Variants in PTK2 observed in about 807,000 individuals in gnomAD.
The protein encoded by PTK2 is focal adhesion kinase 1.
A neutral mutation model predicts 150.1 loss-of-function variants in PTK2; 45 were observed. The observed-to-expected ratio is 0.30, with a 90% CI of 0.24 to 0.38. The LOEUF (loss-of-function observed/expected upper bound fraction) is 0.38. Among genes scored for constraint, PTK2 ranks in the 10% least tolerant of loss-of-function variants. PTK2 has a pLI of 1.00. For missense variants in PTK2, 919 were observed against 1,307.3 expected, an observed-to-expected ratio of 0.70 and a Z score of 4.58; for synonymous variants, 432 against 449.2, an observed-to-expected ratio of 0.96 and a Z score of 0.48.
rs370537018 is a variant in PTK2, at chr8:140,820,076, G to GTTTT, written c.649-1060_649-1057dup. Among the ~76,000 whole-genome samples the GTTTT allele has an allele frequency of 3.2e-3, 161 of 50,238 alleles. 28 individuals carry two copies. Among genetic ancestry groups the GTTTT allele is most frequent in the Non-Finnish European group, 5.3e-3 (128 of 23,958 alleles). 33.0% of individuals were successfully genotyped at this position (50,238 alleles called of 152,430 possible). A position where few individuals can be genotyped will look rare whatever the true frequency, so the allele number is the denominator to read the frequency against. Reference sequence around the variant, plus strand: ...AGAGGAGTGACTTTATCTGACTTTGGTTTTTTTTTTTTTTTTTTTTTTTTT... The same window carrying GTTTT: ...AGAGGAGTGACTTTATCTGACTTTGGTTTTTTTTTTTTTTTTTTTTTTTTTTTTT... On this transcript the variant is annotated intron_variant, in intron 8 of 31. Coordinates refer to ENST00000522684, the Ensembl canonical transcript of PTK2.
chr8:140,993,101 A>T (rs1238163806), intron 1 of PTK2, among the ~76,000 whole-genome samples: 1 of 152,248 alleles, frequency 6.6e-6, no homozygotes, highest in African/African-American at 2.4e-5. Flanking sequence ...ATTTCTAGAA[A>T]AAAAGTTCCA....
Position 140,984,310 on chromosome 8 carries a change from C to T in PTK2, c.-122+16815G>A, listed in dbSNP as rs188799579. On this transcript the variant is annotated intron_variant, in intron 1 of 31. Transcript: ENST00000522684. ...GACCCCAACTCCATGCCCTTAACTA[C>T]CGCAATCAACAGTGGTTATTCAACT... Among the ~76,000 whole-genome samples, 194 of 152,292 alleles carry T rather than the reference C, an allele frequency of 1.3e-3. 1 individual carries two copies. Among genetic ancestry groups the T allele is most frequent in the Middle Eastern group, 6.8e-3 (2 of 294 alleles).
intron 1 of PTK2, among the ~76,000 whole-genome samples, chr8:140,964,449 C>T (rs1053548409): frequency 5.9e-5 from 9 of 151,932 alleles, no homozygotes; most frequent in African/African-American, 2.2e-4. Flanking sequence ...TGCGATCAAG[C>T]TCACTGCAGT....
intron 1 of PTK2, among the ~76,000 whole-genome samples, chr8:140,927,979 T>A (rs1315490394): frequency 5.5e-4 from 52 of 95,148 alleles, no homozygotes; most frequent in Non-Finnish European, 7.3e-4. Context: ...AAAAAAAATA[T>A]ATATATATAT....
intron 22 of PTK2, among the ~76,000 whole-genome samples, chr8:140,727,749 TAAAACA>T (rs2100046788): frequency 5.9e-5 from 9 of 152,180 alleles, no homozygotes; most frequent in Non-Finnish European, 1.5e-5. Flanking sequence ...AATACATCTA[TAAAACA>T]TCAAAAAGAT....
intron 8 of PTK2, among the ~76,000 whole-genome samples, chr8:140,824,177 T>G (rs2100110536): frequency 6.6e-6 from 1 of 152,188 alleles, no homozygotes. Context: ...CCCGATAATT[T>G]AATCTGCTGG....
chr8:140,949,832 C>T (rs897003449), intron 1 of PTK2, among the ~76,000 whole-genome samples: 2 of 152,152 alleles, frequency 1.3e-5, no homozygotes, highest in Non-Finnish European at 2.9e-5. Context: ...CCAGGGACAG[C>T]CTTGAAGCCC....
chr8:140,741,762 GTAAC>G (rs1565445951), intron 20 of PTK2, among the ~76,000 whole-genome samples: 4 of 152,144 alleles, frequency 2.6e-5, no homozygotes, highest in Non-Finnish European at 5.9e-5. Context: ...TATTAGTTCA[GTAAC>G]AATTTGAAGA....
rs138106011 is a variant in PTK2, at chr8:140,794,076, C to T, written c.1094-692G>A. On this transcript the variant is annotated intron_variant, in intron 12 of 31. Coordinates refer to ENST00000522684, the Ensembl canonical transcript of PTK2. ...GCAAACCAGGAAACATGGAGCCCTC[C>T]CTGGTTTAACCTCTTTAATCTGAAT... Among the ~76,000 whole-genome samples, 372 of 152,300 alleles carry T rather than the reference C, an allele frequency of 2.4e-3. 1 individual carries two copies. The highest frequency in any genetic ancestry group is 3.8e-3 in the Non-Finnish European group (259 of 68,018).
chr8:140,738,733 T>TC (rs1426633725), intron 21 of PTK2, among the ~76,000 whole-genome samples: 1 of 151,688 alleles, frequency 6.6e-6, no homozygotes, highest in Non-Finnish European at 1.5e-5. Flanking sequence ...AAGCAAAATA[T>TC]CCCCCTGTGA....
At chr8:140,870,945 C>T (rs1239969061) in intron 4 of PTK2, among the ~76,000 whole-genome samples, 1 of 151,796 alleles carries the variant, frequency 6.6e-6, no homozygotes, top group Non-Finnish European at 1.5e-5. Context: ...TAACTGGACA[C>T]ATTTTTGCCT....
chr8:140,685,597 T>G (rs892589403), intron 27 of PTK2, among the ~76,000 whole-genome samples: 21 of 152,168 alleles, frequency 1.4e-4, no homozygotes, highest in Admixed American at 1.1e-3. Context: ...CAGACACTTT[T>G]CAAAAGATGA....
intron 15 of PTK2, 39 bp downstream of exon 17, chr8:140,764,195 G>A (rs763588485): frequency 4.6e-6 from 7 of 1,537,658 alleles, no homozygotes; most frequent in East Asian, 4.5e-5. Flanking sequence ...GGAGGCATCT[G>A]TCAAGTCTGA....
intron 26 of PTK2, among the ~76,000 whole-genome samples, chr8:140,698,631 T>C (rs946746684): frequency 6.6e-6 from 1 of 152,080 alleles, no homozygotes; most frequent in Non-Finnish European, 1.5e-5. Context: ...TTTTTGTTTT[T>C]TTGAGACGGA....
chr8:140,744,564 A>C, intron 19 of PTK2, 88 bp downstream of exon 22: 1 of 724,396 alleles, frequency 1.4e-6, no homozygotes, highest in Non-Finnish European at 2.2e-6. Flanking sequence ...CTGGATCCAA[A>C]AGGGTCCAAA....
chr8:140,785,759 G>T (rs539858174), intron 14 of PTK2, among the ~76,000 whole-genome samples: 2 of 152,318 alleles, frequency 1.3e-5, no homozygotes, highest in East Asian at 1.9e-4. Flanking sequence ...TTTTCAAGCT[G>T]TGTGACACTG....
intron 14 of PTK2, chr8:140,771,036 G>GT (rs2100075199): frequency 5.5e-6 from 1 of 180,888 alleles, no homozygotes; most frequent in African/African-American, 2.4e-5. Flanking sequence ...GAAACAAGAC[G>GT]TAAGAATCTC....
chr8:140,776,498 G>A (rs967195029), intron 14 of PTK2, among the ~76,000 whole-genome samples: 1 of 152,162 alleles, frequency 6.6e-6, no homozygotes, highest in African/African-American at 2.4e-5. Context: ...ATTAATATAA[G>A]TACAGAGTTT....
At chr8:140,929,861 A>C (rs1388355774) in intron 1 of PTK2, among the ~76,000 whole-genome samples, 4 of 152,136 alleles carry the variant, frequency 2.6e-5, no homozygotes, top group Non-Finnish European at 4.4e-5. Flanking sequence ...TTACAAGCAT[A>C]AAGGGCTTTG....
Sources: gnomAD v4.1 joint callset for allele counts (sites outside exome capture counted in the v4.1 genomes callset) on GRCh38, gnomAD v4.1.1 for gene constraint, MANE v1.5 for transcripts, NCBI Gene and HGNC (gene_info 2026-07-23, HGNC 2026-07-21) for gene names.